PARD3B: variants seen among roughly 807,000 people sequenced by gnomAD.
PARD3B encodes partitioning defective 3 homolog B.
A neutral mutation model predicts 130.2 loss-of-function variants in PARD3B; 103 were observed. The ratio of observed to expected loss-of-function variants is 0.79; its 90% CI spans 0.67 to 0.93. The LOEUF is 0.93. PARD3B is among the 40% of genes least tolerant of loss of function. The pLI is 0.00. For synonymous variants in PARD3B, 583 were observed against 553.2 expected (o/e 1.05, Z -0.76); for missense variants, 1,609 against 1,499.2 (o/e 1.07, Z -1.21).
intron 4 of PARD3B, among the ~76,000 whole-genome samples, chr2:205,075,676 A>T (rs1701002926): frequency 1.6e-5 from 1 of 60,646 alleles, no homozygotes; most frequent in African/African-American, 5.3e-5. Context: ...AATTTTTGCC[A>T]TTCTAACAAA....
At chr2:204,602,114 C>G (rs1326838435) in intron 1 of PARD3B, among the ~76,000 whole-genome samples, 1 of 152,048 alleles carries the variant, frequency 6.6e-6, no homozygotes, top group African/African-American at 2.4e-5. Flanking sequence ...GACCTCAGCT[C>G]TGTCACTTGC....
intron 1 of PARD3B, among the ~76,000 whole-genome samples, chr2:204,633,933 A>G (rs538959434): frequency 2.0e-4 from 30 of 152,352 alleles, no homozygotes; most frequent in African/African-American, 6.7e-4. Context: ...AAACAAGCAC[A>G]TGATGAAGAA....
intron 3 of PARD3B, among the ~76,000 whole-genome samples, chr2:205,044,773 G>T (rs1021454861): frequency 3.3e-5 from 5 of 152,134 alleles, no homozygotes; most frequent in African/African-American, 9.7e-5. Context: ...TCTGATGGTA[G>T]TTTCTTTTGC....
chr2:204,968,841 GCCCTATAAGC>G (rs1374100363), intron 3 of PARD3B, among the ~76,000 whole-genome samples: 2 of 152,226 alleles, frequency 1.3e-5, no homozygotes, highest in Non-Finnish European at 2.9e-5. Context: ...ATAGTCTCAT[GCCCTATAAGC>G]TGATGGGGTA....
chr2:204,684,696 T>G (rs1370954070), intron 1 of PARD3B, among the ~76,000 whole-genome samples: 1 of 152,048 alleles, frequency 6.6e-6, no homozygotes. Context: ...ATAATGAGAG[T>G]TGTGTGTCTT....
intron 4 of PARD3B, among the ~76,000 whole-genome samples, chr2:205,066,199 G>A (rs1460625472): frequency 6.6e-6 from 1 of 152,118 alleles, no homozygotes; most frequent in Admixed American, 6.6e-5. Context: ...TTTGGCTGAG[G>A]TACTAATCTT....
intron 2 of PARD3B, among the ~76,000 whole-genome samples, chr2:204,955,758 A>T (rs960051255): frequency 1.3e-5 from 2 of 152,222 alleles, no homozygotes; most frequent in Admixed American, 1.3e-4. Context: ...GGGCTATATA[A>T]GTATTTGATA....
At chr2:204,553,683 T>TATAC (rs1477400017) in intron 1 of PARD3B, among the ~76,000 whole-genome samples, 1 of 58,454 alleles carries the variant, frequency 1.7e-5, no homozygotes, top group East Asian at 5.1e-4. Flanking sequence ...TATATATATA[T>TATAC]ATATATATAT....
intron 2 of PARD3B, among the ~76,000 whole-genome samples, chr2:204,800,491 C>T (rs1040177488): frequency 6.6e-6 from 1 of 152,014 alleles, no homozygotes; most frequent in African/African-American, 2.4e-5. Context: ...ACAGAACTTT[C>T]CTAAACTAGA....
In PARD3B at chr2:205,550,980, C is replaced by T. The variant is rs199774648; in HGVS notation, c.3181-2344C>T. Among the ~76,000 whole-genome samples, 63,434 of 92,764 alleles carry T rather than the reference C, an allele frequency of 0.68. 20,252 individuals carry two copies. Among genetic ancestry groups the T allele is most frequent in the East Asian group, 0.86 (2,993 of 3,498 alleles). 60.9% of individuals were successfully genotyped at this position (92,764 alleles called of 152,430 possible). On this transcript the variant is annotated intron_variant, in intron 21 of 22. Transcript: ENST00000406610. The surrounding 1 kb of genome is among the most constrained non-coding windows in gnomAD (Gnocchi z 4.5). ...GTATATATATATATATATATATACA[C>T]ACACACACACACACACACACACATA...
chr2:205,041,797 G>A (rs2125397759), intron 3 of PARD3B, among the ~76,000 whole-genome samples: 1 of 152,184 alleles, frequency 6.6e-6, no homozygotes, highest in African/African-American at 2.4e-5. Flanking sequence ...CTTTTGATGT[G>A]GGGCTCTTGT....
At chr2:204,679,817 T>C (rs2036736179) in intron 1 of PARD3B, among the ~76,000 whole-genome samples, 1 of 152,072 alleles carries the variant, frequency 6.6e-6, no homozygotes, top group Non-Finnish European at 1.5e-5. Flanking sequence ...ATCTTTATCA[T>C]TTTTTCTATA....
At chr2:204,911,032 T>G (rs2047216719) in intron 2 of PARD3B, among the ~76,000 whole-genome samples, 1 of 152,200 alleles carries the variant, frequency 6.6e-6, no homozygotes, top group Non-Finnish European at 1.5e-5. Flanking sequence ...AGTGACTATT[T>G]TAATATTATT....
chr2:205,465,341 G>C (rs905388803), intron 20 of PARD3B, among the ~76,000 whole-genome samples: 4 of 152,144 alleles, frequency 2.6e-5, no homozygotes, highest in African/African-American at 9.7e-5. Context: ...CGAGGATATT[G>C]AGTTGTAGAG....
chr2:205,015,354 A>G lies in PARD3B; in HGVS notation c.395-32227A>G, dbSNP rs1696059206. 6.6e-6 allele frequency among the ~76,000 whole-genome samples: 1 copy of G among 152,164 alleles called. No homozygotes were observed. Among genetic ancestry groups the G allele is most frequent in the Non-Finnish European group, 1.5e-5 (1 of 68,024 alleles). ...GAGAAGGGGTTGGTCTTGCTCTCTCAGGGGTGGCAGAGGTGAAAGAAAATC... is the reference window on the plus strand; with the variant it reads ...GAGAAGGGGTTGGTCTTGCTCTCTCGGGGGTGGCAGAGGTGAAAGAAAATC... On this transcript the variant is annotated intron_variant, in intron 3 of 22. Coordinates refer to ENST00000406610, the MANE Select transcript of PARD3B (RefSeq NM_001302769.2). This position sits in a 1 kb window ranked among gnomAD's most constrained non-coding sequence, Gnocchi z 4.5.
rs1414721526 is a variant in PARD3B, at chr2:204,967,843, G to A, written c.394+2520G>A. Among the ~76,000 whole-genome samples the A allele has an allele frequency of 2.6e-5, 4 of 152,140 alleles. No individual in the cohort carries two copies. Among genetic ancestry groups the A allele is most frequent in the African/African-American group, 9.7e-5 (4 of 41,434 alleles). ...GGTTGGCAGTAGAGGCAGTATTGAT[G>A]GCACTTCTGGGAGTGTGACCTGGCT... On this transcript the variant is annotated intron_variant, in intron 3 of 22. Coordinates refer to ENST00000406610, the MANE Select transcript of PARD3B (RefSeq NM_001302769.2). This position sits in a 1 kb window ranked among gnomAD's most constrained non-coding sequence, Gnocchi z 4.4.
intron 19 of PARD3B, among the ~76,000 whole-genome samples, chr2:205,431,720 C>T (rs143451989): frequency 2.7e-4 from 41 of 152,068 alleles, no homozygotes; most frequent in African/African-American, 8.0e-4. Context: ...CTGCCCACCT[C>T]GGCCTCCCAA....
intron 21 of PARD3B, among the ~76,000 whole-genome samples, chr2:205,519,609 C>CTTGT (rs35554386): frequency 0.13 from 20,326 of 152,162 alleles, 1,820 homozygotes; most frequent in Middle Eastern, 0.25. Flanking sequence ...GTTAAGAACT[C>CTTGT]TTGTTAGAGA....
intron 21 of PARD3B, among the ~76,000 whole-genome samples, chr2:205,507,747 C>T (rs1356460724): frequency 1.3e-5 from 2 of 152,126 alleles, no homozygotes; most frequent in African/African-American, 2.4e-5. Flanking sequence ...CTTAGATTTC[C>T]AGGGAAAGAG....
Sources: allele counts gnomAD v4.1 joint callset (sites outside exome capture counted in the v4.1 genomes callset), GRCh38; gene constraint gnomAD v4.1.1; non-coding constraint Gnocchi (gnomAD v3.1); transcripts MANE v1.5; gene names NCBI Gene and HGNC (gene_info 2026-07-23, HGNC 2026-07-21).